PROM1: variants seen among roughly 807,000 people sequenced by gnomAD.
The protein encoded by PROM1 is prominin 1.
A neutral mutation model predicts 116.9 loss-of-function variants in PROM1; 105 were observed. The observed-to-expected ratio is 0.90, with a 90% CI of 0.77 to 1.06. The LOEUF (loss-of-function observed/expected upper bound fraction) is 1.06. Ranked by LOEUF, PROM1 falls within the 50% of genes least tolerant of loss-of-function variation. The pLI, the probability that PROM1 is intolerant of heterozygous loss-of-function variation, is 0.00. For missense variants in PROM1, 1,122 were observed against 1,045.2 expected (o/e 1.07, Z -1.01); for synonymous variants, 393 against 387.0 (o/e 1.02, Z -0.18).
At chr4:16,022,894 G>A (rs181264320) in intron 8 of PROM1, among the ~76,000 whole-genome samples, 45 of 152,208 alleles carry the variant, frequency 3.0e-4, no homozygotes, top group African/African-American at 1.0e-3. Flanking sequence ...TAGGTTCCTC[G>A]TCTTCTGTAT....
In PROM1 at chr4:15,989,819, T is replaced by C. The variant is rs371616315; in HGVS notation, c.1989A>G (p.Pro663=). The C allele has an allele frequency of 1.2e-6, 2 of 1,600,888 alleles. No homozygotes were observed. The highest frequency in any genetic ancestry group is 1.3e-5 in the African/African-American group (1 of 74,782). The change falls in exon 19 of 28, where the codon CCA becomes CCG. Residue 663 remains proline (P), a synonymous_variant. Transcript: ENST00000447510. ...TTTTCAGGGAGTTCCTCAAATTTCC[T>C]GGGGGCTACAAAAAGAATAAAAAAC... ...DLEAKANSLP[P]GNLRNSLKRD...
At chr4:16,045,433 G>A (rs894217638) in intron 2 of PROM1, among the ~76,000 whole-genome samples, 7 of 152,064 alleles carry the variant, frequency 4.6e-5, no homozygotes, top group Admixed American at 2.0e-4. Flanking sequence ...CCCAACTCAC[G>A]GCAGCCTCTA....
chr4:16,017,490 A>G (rs2677785), intron 9 of PROM1, among the ~76,000 whole-genome samples: 136,810 of 152,288 alleles, frequency 0.9, 61,774 homozygotes, highest in Middle Eastern at 0.95. Flanking sequence ...ATGTAAAAGT[A>G]AGAAAAATGT....
intron 26 of PROM1, among the ~76,000 whole-genome samples, chr4:15,972,716 G>A (rs953226987): frequency 2.0e-5 from 3 of 152,154 alleles, no homozygotes; most frequent in African/African-American, 7.2e-5. Context: ...TAGGATTTGG[G>A]CTCTGAATGA....
At chr4:15,990,405 G>T (rs1380380045) in intron 18 of PROM1, among the ~76,000 whole-genome samples, 1 of 152,152 alleles carries the variant, frequency 6.6e-6, no homozygotes, top group African/African-American at 2.4e-5. Flanking sequence ...AGTTGAAAGG[G>T]GAAGCTTATG....
chr4:16,035,816 A>G (rs1733828182), intron 3 of PROM1, 55 bp from the exon 4 acceptor site: 13 of 1,538,200 alleles, frequency 8.5e-6, no homozygotes, highest in Non-Finnish European at 1.1e-5. Context: ...GCATCAAGAA[A>G]ACAGACAGAA....
At chr4:16,061,493 C>T (rs944880856) in intron 2 of PROM1, among the ~76,000 whole-genome samples, 1 of 152,142 alleles carries the variant, frequency 6.6e-6, no homozygotes, top group African/African-American at 2.4e-5. Context: ...GGATAGAGAT[C>T]CCAGGAGCTA....
At position 15,987,682 on chromosome 4, in the gene PROM1, C is replaced by T. The variant is rs771239030; in HGVS notation, c.2111G>A (p.Arg704His). Residue 704 changes from arginine (R) to histidine (H), a missense_variant, in exon 20 of 28, where the codon CGC becomes CAC. Coordinates refer to ENST00000447510, the MANE Select transcript of PROM1 (RefSeq NM_006017.3). The part of the protein sequence containing the change: ...TLYQSVKILQ[R>H]TGNGLLERVT... Reference sequence around the variant, plus strand: ...CCTTACCAACAATCCATTCCCTGTGCGTTGAAGTATCTTGACGCTTTGGTA... The same window carrying T: ...CCTTACCAACAATCCATTCCCTGTGTGTTGAAGTATCTTGACGCTTTGGTA... 9.3e-6 allele frequency: 15 copies of T among 1,610,974 alleles called. No individual in the cohort carries two copies. The highest frequency in any genetic ancestry group is 2.7e-5 in the African/African-American group (2 of 74,698).
intron 2 of PROM1, among the ~76,000 whole-genome samples, chr4:16,049,159 A>G (rs765204463): frequency 6.6e-6 from 1 of 152,204 alleles, no homozygotes; most frequent in Non-Finnish European, 1.5e-5. Context: ...TTCTTTCCCT[A>G]AGACATTCCT....
chr4:15,995,119 GA>G (rs1382124519), intron 15 of PROM1, among the ~76,000 whole-genome samples: 3 of 152,180 alleles, frequency 2.0e-5, no homozygotes, highest in Non-Finnish European at 4.4e-5. Flanking sequence ...CTAAGCAGAA[GA>G]CCTCGGTTGA....
At chr4:16,027,408 C>T (rs959752925) in intron 5 of PROM1, among the ~76,000 whole-genome samples, 1 of 152,134 alleles carries the variant, frequency 6.6e-6, no homozygotes, top group African/African-American at 2.4e-5. Context: ...GGCTCACCAC[C>T]TGAACATACC....
At chr4:15,993,238 T>C (rs1002308858) in intron 16 of PROM1, among the ~76,000 whole-genome samples, 4 of 152,184 alleles carry the variant, frequency 2.6e-5, no homozygotes, top group Admixed American at 2.6e-4. Context: ...CCTCTTCCCT[T>C]GGGATCCCTT....
Position 16,016,230 on chromosome 4 carries a change from A to G in PROM1, c.1013T>C (p.Val338Ala). 1 of 1,551,214 alleles carries G rather than the reference A, an allele frequency of 6.4e-7. No individual in the cohort carries two copies. The highest frequency in any genetic ancestry group is 1.4e-5 in the African/African-American group (1 of 73,176). ...SNPELRQLPP[V>A]DAELDNVNNV... is the part of the protein sequence containing the mutation. ...ATTAACGTTGTCAAGTTCTGCATCC[A>G]CGGGTGGAAGCTGAAAATTTATAAA... The change falls in exon 10 of 28, where the codon GTG becomes GCG. Residue 338 changes from valine to alanine, a missense_variant. By Grantham distance (64) the Val-to-Ala change is moderately conservative. Transcript: ENST00000447510.
chr4:16,058,416 C>T (rs556750639), intron 2 of PROM1, among the ~76,000 whole-genome samples: 2 of 152,134 alleles, frequency 1.3e-5, no homozygotes, highest in African/African-American at 4.8e-5. Context: ...ATGATGCCAA[C>T]GCAGGTGGAT....
At chr4:16,007,551 C>T (rs1725830531) in intron 12 of PROM1, among the ~76,000 whole-genome samples, 1 of 152,198 alleles carries the variant, frequency 6.6e-6, no homozygotes, top group Non-Finnish European at 1.5e-5. Context: ...GGCAGCCATT[C>T]TGGGGAGGTT....
intron 15 of PROM1, among the ~76,000 whole-genome samples, chr4:15,995,090 G>A (rs1721977037): frequency 6.6e-6 from 1 of 152,192 alleles, no homozygotes; most frequent in African/African-American, 2.4e-5. Flanking sequence ...TGTCCAGAAG[G>A]AGCCTGAGGC....
intron 26 of PROM1, among the ~76,000 whole-genome samples, chr4:15,973,405 C>G (rs1317447829): frequency 6.6e-6 from 1 of 152,204 alleles, no homozygotes; most frequent in Non-Finnish European, 1.5e-5. Context: ...TGAGATCACA[C>G]CACTGCATTC....
chr4:15,980,216 A>T (rs1265053714), intron 24 of PROM1: 1 of 651,422 alleles, frequency 1.5e-6, no homozygotes, highest in African/African-American at 1.8e-5. Flanking sequence ...AGGATTAAGC[A>T]AGAGGAAAAA....
intron 2 of PROM1, among the ~76,000 whole-genome samples, chr4:16,045,689 C>T (rs751097655): frequency 3.3e-5 from 5 of 152,112 alleles, no homozygotes; most frequent in African/African-American, 7.2e-5. Flanking sequence ...CATGCAGAGA[C>T]TCACTGAAGC....
Sources: gnomAD v4.1 joint callset for allele counts (sites outside exome capture counted in the v4.1 genomes callset) on GRCh38, gnomAD v4.1.1 for gene constraint, MANE v1.5 for transcripts, NCBI Gene and HGNC (gene_info 2026-07-23, HGNC 2026-07-21) for gene names.